SHLD1: variants seen among roughly 807,000 people sequenced by gnomAD.
The protein encoded by SHLD1 is RINN1-REV7-interacting novel NHEJ regulator 3.
A neutral mutation model predicts 5.5 loss-of-function variants in SHLD1; 3 were observed. That is an observed-to-expected ratio of 0.54 (90% CI 0.25 to 1.40). The LOEUF (loss-of-function observed/expected upper bound fraction) is 1.40, where lower values mean the gene tolerates loss of function less well. SHLD1 is among the 40% of genes most tolerant of loss of function. The probability of loss-of-function intolerance (pLI) is 0.15; values close to 1 mark genes in which losing one functional copy is unlikely to be tolerated. For missense variants in SHLD1, 210 were observed against 244.4 expected (o/e 0.86, Z 0.94); for synonymous variants, 92 against 94.3 (o/e 0.98, Z 0.14).
At chr20:5,787,264 C>G (rs1055973284) in intron 2 of SHLD1, among the ~76,000 whole-genome samples, 4 of 152,166 alleles carry the variant, frequency 2.6e-5, no homozygotes, top group African/African-American at 9.7e-5. Flanking sequence ...GGGAAGAAAA[C>G]AAGTCAGGAA....
At chr20:5,816,320 G>C (rs749938715) in intron 2 of SHLD1, among the ~76,000 whole-genome samples, 28 of 152,142 alleles carry the variant, frequency 1.8e-4, no homozygotes, top group Non-Finnish European at 3.7e-4. Flanking sequence ...AGGACAGAGA[G>C]AACCAAGAGT....
At position 5,844,794 on chromosome 20, in the gene SHLD1, TATA is replaced by T. The variant is rs1202610121; in HGVS notation, c.179-18229_179-18227del. On this transcript the variant is annotated intron_variant, in intron 2 of 2. Coordinates refer to ENST00000303142, the MANE Select transcript of SHLD1 (RefSeq NM_152504.4). ...ACATATATATATATATATATATATA[TATA>T]TATTTTTTTTTTTTTGAGACACAGT... Among the ~76,000 whole-genome samples the T allele has an allele frequency of 1.9e-3, 185 of 99,466 alleles. 4 individuals are homozygous for T. The highest frequency in any genetic ancestry group is 8.7e-3 in the African/African-American group (149 of 17,030). The allele number at this position is 99,466 out of a possible 152,430, so 65.3% of individuals were successfully genotyped here.
intron 1 of SHLD1, among the ~76,000 whole-genome samples, chr20:5,770,539 T>G (rs1985098093): frequency 6.6e-6 from 1 of 152,220 alleles, no homozygotes; most frequent in Admixed American, 6.5e-5. Context: ...CAACTTGTCT[T>G]GTTGCATGGA....
intron 1 of SHLD1, among the ~76,000 whole-genome samples, chr20:5,764,649 C>T (rs1984724005): frequency 1.3e-5 from 2 of 151,048 alleles, no homozygotes; most frequent in African/African-American, 2.4e-5. Flanking sequence ...TAGTCAGCTA[C>T]GATCACACCA....
At chr20:5,810,305 C>A (rs563711039) in intron 2 of SHLD1, among the ~76,000 whole-genome samples, 1 of 151,662 alleles carries the variant, frequency 6.6e-6, no homozygotes, top group Non-Finnish European at 1.5e-5. Flanking sequence ...CCTTAGACAT[C>A]GAGTAACTAA....
intron 2 of SHLD1, among the ~76,000 whole-genome samples, chr20:5,792,560 C>T (rs1375226576): frequency 1.3e-5 from 2 of 151,940 alleles, no homozygotes; most frequent in Non-Finnish European, 2.9e-5. Context: ...GCTGGGATTA[C>T]ACGTGTGTGC....
chr20:5,835,045 G>A (rs1014708876), intron 2 of SHLD1, among the ~76,000 whole-genome samples: 7 of 152,140 alleles, frequency 4.6e-5, no homozygotes, highest in Non-Finnish European at 8.8e-5. Context: ...ATGATAGCAG[G>A]CTACCCTTCT....
chr20:5,832,242 C>T (rs6139850), intron 2 of SHLD1, among the ~76,000 whole-genome samples: 15,948 of 152,230 alleles, frequency 0.1, 962 homozygotes, highest in East Asian at 0.22. Flanking sequence ...CGCTGGGCCT[C>T]TCTTCATTTC....
chr20:5,837,424 C>T (rs1185768141), intron 2 of SHLD1, among the ~76,000 whole-genome samples: 1 of 152,182 alleles, frequency 6.6e-6, no homozygotes, highest in Non-Finnish European at 1.5e-5. Flanking sequence ...TTAAGCCCAG[C>T]GTCCATTAGC....
intron 2 of SHLD1, among the ~76,000 whole-genome samples, chr20:5,836,092 GTTGT>G (rs753703259): frequency 6.7e-6 from 1 of 149,740 alleles, no homozygotes; most frequent in Non-Finnish European, 1.5e-5. Context: ...TTGACAACTG[GTTGT>G]TTTTTTTTTT....
intron 2 of SHLD1, among the ~76,000 whole-genome samples, chr20:5,779,985 T>G (rs954827769): frequency 7.0e-6 from 1 of 143,762 alleles, no homozygotes; most frequent in Admixed American, 7.0e-5. Context: ...TTTTTTTTTT[T>G]TTTTTTTTTT....
chr20:5,762,672 G>A (rs975067309), intron 1 of SHLD1, among the ~76,000 whole-genome samples: 4 of 151,930 alleles, frequency 2.6e-5, no homozygotes, highest in African/African-American at 9.7e-5. Flanking sequence ...CTGTGAAAGA[G>A]AAAGTAAAAA....
intron 1 of SHLD1, 36 bp downstream of exon 1, chr20:5,750,515 G>A (rs1363711367): frequency 7.3e-6 from 1 of 137,126 alleles, no homozygotes; most frequent in East Asian, 2.1e-4. Flanking sequence ...GGTTGGAGTG[G>A]TGGGGGCGGG....
At chr20:5,828,498 TTGA>T (rs11471382) in intron 2 of SHLD1, among the ~76,000 whole-genome samples, 56,352 of 151,908 alleles carry the variant, frequency 0.37, 12,488 homozygotes, top group East Asian at 0.54. Flanking sequence ...GAGTCATTTC[TTGA>T]TGACTCCATT....
intron 1 of SHLD1, among the ~76,000 whole-genome samples, chr20:5,772,565 G>A (rs1247874854): frequency 5.9e-5 from 9 of 152,224 alleles, no homozygotes; most frequent in Admixed American, 1.3e-4. Flanking sequence ...GAGCAAAATC[G>A]CACATAAGGG....
Position 5,844,795 on chromosome 20 carries a change from A to ATTTT in SHLD1, c.179-18228_179-18227insTTTT, listed in dbSNP as rs1258738443. On this transcript the variant is annotated intron_variant, in intron 2 of 2. Transcript: ENST00000303142. ...CATATATATATATATATATATATATATATATTTTTTTTTTTTTGAGACACA... is the reference window on the plus strand; with the variant it reads ...CATATATATATATATATATATATATATTTTTATATTTTTTTTTTTTTGAGACACA... Among the ~76,000 whole-genome samples, 232 of 105,022 alleles carry ATTTT rather than the reference A, an allele frequency of 2.2e-3. 2 individuals are homozygous for ATTTT. The highest frequency in any genetic ancestry group is 0.011 in the African/African-American group (224 of 21,294). The allele number at this position is 105,022 out of a possible 152,430, so 68.9% of individuals were successfully genotyped here.
intron 2 of SHLD1, among the ~76,000 whole-genome samples, chr20:5,786,034 G>T (rs963680663): frequency 5.9e-5 from 9 of 152,044 alleles, no homozygotes; most frequent in Non-Finnish European, 1.0e-4. Flanking sequence ...AGAAGGTGTT[G>T]GGGCTCAGAA....
chr20:5,827,956 T>C (rs989822144), intron 2 of SHLD1, among the ~76,000 whole-genome samples: 1 of 152,212 alleles, frequency 6.6e-6, no homozygotes, highest in Non-Finnish European at 1.5e-5. Context: ...CTCCAAGTAG[T>C]TGAAATAAAA....
intron 2 of SHLD1, among the ~76,000 whole-genome samples, chr20:5,843,471 C>T (rs913470293): frequency 2.6e-5 from 4 of 151,882 alleles, no homozygotes; most frequent in Non-Finnish European, 5.9e-5. Context: ...TCTCTGGTGG[C>T]GTAACTTCAG....
Sources: gnomAD v4.1 joint callset for allele counts (sites outside exome capture counted in the v4.1 genomes callset) on GRCh38, gnomAD v4.1.1 for gene constraint, MANE v1.5 for transcripts, NCBI Gene and HGNC (gene_info 2026-07-23, HGNC 2026-07-21) for gene names.